ZNF627: variants seen among roughly 807,000 people sequenced by gnomAD.
ZNF627 encodes the protein zinc finger protein 627.
Under a neutral mutation model 10.6 loss-of-function variants are expected in ZNF627, and 12 were observed. That is an observed-to-expected ratio of 1.13 (90% confidence interval 0.73 to 1.84). ZNF627 has a LOEUF of 1.84. ZNF627 is among the 40% of genes most tolerant of loss of function. ZNF627 has a pLI of 0.00. For synonymous variants in ZNF627, 176 were observed against 187.1 expected (o/e 0.94, Z 0.48); for missense variants, 504 against 568.4 (o/e 0.89, Z 1.15).
intron 1 of ZNF627, 73 bp from the exon 2 acceptor site, chr19:11,614,454 C>T: frequency 6.3e-7 from 1 of 1,596,276 alleles, no homozygotes; most frequent in Non-Finnish European, 8.5e-7. Context: ...CTGAGAACTT[C>T]TTGGGAATAA....
rs1198343456 is a variant in ZNF627 at position 11,616,845 on chromosome 19, A to G, written c.342A>G (p.Ser114=). The change falls in exon 4 of 4, where the codon TCA becomes TCG. Residue 114 remains serine, a synonymous_variant. Coordinates refer to ENST00000361113, the MANE Select transcript of ZNF627 (RefSeq NM_145295.4). The part of the protein sequence containing the change: ...SVCGEVGMGP[S]SLNRHIRDHT... ...GTGGAGAAGTTGGCATGGGTCCTTC[A>G]TCACTTAATAGGCACATCAGAGATC... 6.2e-7 allele frequency: 1 copy of G among 1,613,976 alleles called. No homozygotes were observed. The highest frequency in any genetic ancestry group is 1.3e-5 in the African/African-American group (1 of 74,918).
At position 11,617,278 on chromosome 19, in the gene ZNF627, G is replaced by A; in HGVS notation, c.775G>A (p.Ala259Thr). The A allele has an allele frequency of 3.7e-6, 6 of 1,614,010 alleles. No homozygotes were observed. Among genetic ancestry groups the A allele is most frequent in the South Asian group, 3.3e-5 (3 of 91,076 alleles). ...KPYECKQCGK[A>T]FSCSKYIRIH... The stretch of plus-strand genomic sequence containing the variant: ...CTATGAATGCAAGCAGTGTGGGAAA[G>A]CTTTCAGTTGTTCCAAGTACATTCG... Residue 259 changes from alanine (A) to threonine (T), a missense_variant, in exon 4 of 4, where the codon GCT becomes ACT. By Grantham distance (58) the Ala-to-Thr change is moderately conservative. Transcript: ENST00000361113.
intron 1 of ZNF627, among the ~76,000 whole-genome samples, chr19:11,611,128 C>T (rs1402396247): frequency 5.9e-5 from 9 of 152,178 alleles, no homozygotes; most frequent in Non-Finnish European, 1.2e-4. Flanking sequence ...GCTGGGATTA[C>T]AGGTGTGAGC....
At chr19:11,614,699 G>A (rs754644489) in intron 2 of ZNF627, 46 bp downstream of exon 2, 25 of 1,613,010 alleles carry the variant, frequency 1.5e-5, no homozygotes, top group Non-Finnish European at 1.7e-5. Flanking sequence ...GAGAACAAGT[G>A]TTTCTAGCTC....
intron 1 of ZNF627, among the ~76,000 whole-genome samples, chr19:11,603,066 T>A (rs922244291): frequency 6.6e-6 from 1 of 152,328 alleles, no homozygotes; most frequent in South Asian, 2.1e-4. Context: ...CTTCCTCTTT[T>A]GAATTTTTAG....
At chr19:11,616,408 A>G (rs375295380) in intron 3 of ZNF627, among the ~76,000 whole-genome samples, 23 of 152,032 alleles carry the variant, frequency 1.5e-4, no homozygotes, top group African/African-American at 5.6e-4. Flanking sequence ...TAGTCCACTC[A>G]TGTTCAAACA....
At position 11,597,539 on chromosome 19, in the gene ZNF627, G is replaced by T; in HGVS notation, c.-89G>T. On this transcript the variant is annotated 5_prime_UTR_variant, in exon 1 of 4. In the 5' UTR this introduces an upstream ATG that the reference lacks. Transcript: ENST00000361113. Reference sequence around the variant, plus strand: ...GTCTCCGTTTCTCCGAGAGGCCCAAGGTGTCTCCGCCGCAGCCTCTGTCGC... The same window carrying T: ...GTCTCCGTTTCTCCGAGAGGCCCAATGTGTCTCCGCCGCAGCCTCTGTCGC... 7.9e-7 allele frequency: 1 copy of T among 1,267,274 alleles called. No homozygotes were observed. The allele number at this position is 1,267,274 out of a possible 1,614,324, so 78.5% of individuals were successfully genotyped here.
intron 1 of ZNF627, among the ~76,000 whole-genome samples, chr19:11,599,030 C>CA (rs1275628827): frequency 6.6e-6 from 1 of 152,094 alleles, no homozygotes; most frequent in Non-Finnish European, 1.5e-5. Context: ...ATAAAAAAAA[C>CA]AAAAAACAGT....
intron 3 of ZNF627, among the ~76,000 whole-genome samples, chr19:11,615,318 A>G (rs1973848135): frequency 6.7e-6 from 1 of 150,214 alleles, no homozygotes; most frequent in African/African-American, 2.4e-5. Flanking sequence ...AATCTTCTCC[A>G]AGCCAGGCAT....
chr19:11,604,980 G>C (rs1973648665), intron 1 of ZNF627, among the ~76,000 whole-genome samples: 1 of 152,030 alleles, frequency 6.6e-6, no homozygotes, highest in Admixed American at 6.6e-5. Flanking sequence ...CTGCAGGCCA[G>C]TGCCAAGCCC....
rs755341170 is a variant in ZNF627, at chr19:11,616,882, G to A, written c.379G>A (p.Glu127Lys). ...GCACATCAGAGATCACACTGGACGT[G>A]AACCAAATGAATATCAGGAATATGG... ...NRHIRDHTGR[E>K]PNEYQEYGKK... The change falls in exon 4 of 4, where the codon GAA (glutamate) becomes AAA (lysine). Residue 127 changes from glutamate (E) to lysine (K), a missense_variant. By Grantham distance (56) the Glu-to-Lys change is moderately conservative (BLOSUM62 1). Coordinates refer to ENST00000361113, the MANE Select transcript of ZNF627 (RefSeq NM_145295.4). 6 of 1,613,988 alleles carry A rather than the reference G, an allele frequency of 3.7e-6. No homozygotes were observed. Among genetic ancestry groups the A allele is most frequent in the Non-Finnish European group, 4.2e-6 (5 of 1,180,026 alleles).
In ZNF627 at chr19:11,617,676, T is replaced by C. The variant is rs762653023; in HGVS notation, c.1173T>C (p.Tyr391=). The C allele has an allele frequency of 8.1e-6, 13 of 1,612,934 alleles. No homozygotes were observed. Among genetic ancestry groups the C allele is most frequent in the Non-Finnish European group, 1.1e-5 (13 of 1,179,694 alleles). The change falls in exon 4 of 4, where the codon TAT becomes TAC. Residue 391 remains tyrosine (Y), a synonymous_variant. Coordinates refer to ENST00000361113, the MANE Select transcript of ZNF627 (RefSeq NM_145295.4). ...HERIHTGEKP[Y]KCTKCGKAFS... is the part of the protein sequence containing the mutation. ...GAATTCACACTGGAGAGAAACCCTA[T>C]AAATGTACAAAATGTGGGAAAGCCT... is the stretch of plus-strand genomic sequence containing the variant.
chr19:11,609,995 A>G (rs918602152), intron 1 of ZNF627, among the ~76,000 whole-genome samples: 50 of 150,420 alleles, frequency 3.3e-4, no homozygotes, highest in Non-Finnish European at 4.0e-4. Flanking sequence ...TTGATGAGCC[A>G]TATTTTTCTG....
Position 11,617,650 on chromosome 19 carries a change from A to G in ZNF627, c.1147A>G (p.Arg383Gly), listed in dbSNP as rs1599666451. 8 of 1,613,696 alleles carry G rather than the reference A, an allele frequency of 5.0e-6. No individual in the cohort carries two copies. In the East Asian group the frequency reaches 1.6e-4, roughly 31 times the overall value. The change falls in exon 4 of 4, where the codon AGA becomes GGA. Residue 383 changes from arginine (R) to glycine (G), a missense_variant. Arg to Gly is a moderately radical substitution (Grantham distance 125). Transcript: ENST00000361113. ...SCSSSFRKHE[R>G]IHTGEKPYKC... The stretch of plus-strand genomic sequence containing the variant: ...TTCCAGTTCGTTTCGAAAACATGAA[A>G]GAATTCACACTGGAGAGAAACCCTA...
Position 11,612,913 on chromosome 19 carries a change from C to T in ZNF627, c.4-1614C>T, listed in dbSNP as rs886553423. ...GATAGGTTTCTTTTCCACCCTCACC[C>T]TCTTCCAACCCTCCCACTTCAAGTA... On this transcript the variant is annotated intron_variant, in intron 1 of 3. Coordinates refer to ENST00000361113, the MANE Select transcript of ZNF627 (RefSeq NM_145295.4). 4.6e-5 allele frequency among the ~76,000 whole-genome samples: 7 copies of T among 151,884 alleles called. 1 individual carries two copies. Among genetic ancestry groups the T allele is most frequent in the Admixed American group, 3.9e-4 (6 of 15,254 alleles).
At chr19:11,605,952 C>T (rs904299332) in intron 1 of ZNF627, among the ~76,000 whole-genome samples, 1 of 152,130 alleles carries the variant, frequency 6.6e-6, no homozygotes, top group African/African-American at 2.4e-5. Context: ...TAAATATACC[C>T]ATTCCAAATG....
intron 1 of ZNF627, among the ~76,000 whole-genome samples, chr19:11,601,302 C>T (rs1158929065): frequency 6.6e-6 from 1 of 151,648 alleles, no homozygotes; most frequent in Non-Finnish European, 1.5e-5. Flanking sequence ...TGAAACAAAT[C>T]TGGATTTAGG....
intron 1 of ZNF627, among the ~76,000 whole-genome samples, chr19:11,613,754 C>G (rs1383479293): frequency 1.3e-5 from 2 of 152,012 alleles, no homozygotes; most frequent in Admixed American, 6.6e-5. Context: ...GGAGTCTGTT[C>G]TAGTAAGTTA....
At chr19:11,613,625 G>C (rs1973816444) in intron 1 of ZNF627, among the ~76,000 whole-genome samples, 1 of 152,030 alleles carries the variant, frequency 6.6e-6, no homozygotes, top group South Asian at 2.1e-4. Context: ...CAAAGTGTTG[G>C]GATTACAGGC....
Sources: allele counts gnomAD v4.1 joint callset (sites outside exome capture counted in the v4.1 genomes callset), GRCh38; gene constraint gnomAD v4.1.1; transcripts MANE v1.5; gene names NCBI Gene and HGNC (gene_info 2026-07-23, HGNC 2026-07-21).